ZNF385D: variants seen among roughly 807,000 people sequenced by gnomAD.
The protein encoded by ZNF385D is zinc finger protein 659.
ZNF385D carries 15 observed loss-of-function variants against 35.8 expected under a neutral mutation model. The observed-to-expected ratio is 0.42, with a 90% CI of 0.28 to 0.64. The LOEUF is 0.64. Among genes scored for constraint, ZNF385D ranks in the 30% least tolerant of loss-of-function variants. The pLI is 0.23. For synonymous variants in ZNF385D, 212 were observed against 186.8 expected (o/e 1.13, Z -1.10); for missense variants, 474 against 494.6 (o/e 0.96, Z 0.39).
At position 21,769,575 on chromosome 3, in the gene ZNF385D, G is replaced by T. The variant is rs6780308; in HGVS notation, c.326-104547C>A. Among the ~76,000 whole-genome samples the T allele has an allele frequency of 1.4e-4, 10 of 71,052 alleles. 1 individual carries two copies. Among genetic ancestry groups the T allele is most frequent in the Non-Finnish European group, 7.9e-5 (3 of 37,808 alleles). The allele number at this position is 71,052 out of a possible 152,430, so 46.6% of individuals were successfully genotyped here. ...AGGAGAACTATAAACCACTGCTCAA[G>T]GAAATAAAAGAGGATACAAACAAAT... On this transcript the variant is annotated intron_variant, in intron 3 of 5. Transcript: ENST00000494108.
At position 22,207,411 on chromosome 3, in the gene ZNF385D, C is replaced by T. The variant is rs567535397; in HGVS notation, c.107-38376G>A. ...GCATATGCAGAAGAAAACAAAGCCC[C>T]TATCTCCTGCCCTACACAAAAATCA... On this transcript the variant is annotated intron_variant, in intron 2 of 5. Transcript: ENST00000494108. 1.5e-4 allele frequency among the ~76,000 whole-genome samples: 23 copies of T among 151,976 alleles called. No individual in the cohort carries two copies. In the East Asian group the frequency reaches 4.1e-3, roughly 27 times the overall value.
Position 21,787,944 on chromosome 3 carries a change from CAAAAAAAAAAAAAAAAAAAA to C in ZNF385D, c.326-122936_326-122917del, listed in dbSNP as rs560982379. 6.1e-4 allele frequency among the ~76,000 whole-genome samples: 46 copies of C among 75,380 alleles called. 1 individual carries two copies. The highest frequency in any genetic ancestry group is 1.9e-3 in the African/African-American group (34 of 17,830). The allele number at this position is 75,380 out of a possible 152,430, so 49.5% of individuals were successfully genotyped here. Reference sequence around the variant, plus strand: ...GCGACAGAGCGAGACTTCGTCTCAACAAAAAAAAAAAAAAAAAAAAAAAAAAAAAAAAAAAAAAGAGAGAG... The same window carrying C: ...GCGACAGAGCGAGACTTCGTCTCAACAAAAAAAAAAAAAAAAAAGAGAGAG... On this transcript the variant is annotated intron_variant, in intron 3 of 5. Coordinates refer to the ZNF385D transcript ENST00000494108.
At chr3:21,807,899 G>C (rs2072725223) in intron 3 of ZNF385D, among the ~76,000 whole-genome samples, 1 of 152,106 alleles carries the variant, frequency 6.6e-6, no homozygotes, top group South Asian at 2.1e-4. Flanking sequence ...ATTATTTTTA[G>C]TATGTAAGCT....
At chr3:21,738,746 A>C (rs1032601837) in intron 1 of ZNF385D, among the ~76,000 whole-genome samples, 1 of 152,244 alleles carries the variant, frequency 6.6e-6, no homozygotes, top group African/African-American at 2.4e-5. Flanking sequence ...CTTTAACTAC[A>C]GTAAGCAGTG....
At chr3:22,203,830 A>C (rs532729449) in intron 2 of ZNF385D, among the ~76,000 whole-genome samples, 6 of 152,126 alleles carry the variant, frequency 3.9e-5, no homozygotes, top group Non-Finnish European at 7.4e-5. Flanking sequence ...AGAATAGAGC[A>C]TCAGGTAGAT....
chr3:21,680,585 A>T (rs1021751922), intron 1 of ZNF385D, among the ~76,000 whole-genome samples: 1 of 152,034 alleles, frequency 6.6e-6, no homozygotes, highest in South Asian at 2.1e-4. Context: ...ATCGGATATG[A>T]TGACTGATGC....
intron 2 of ZNF385D, among the ~76,000 whole-genome samples, chr3:21,644,541 A>T (rs890569646): frequency 2.6e-5 from 4 of 152,198 alleles, no homozygotes; most frequent in Non-Finnish European, 1.5e-5. Flanking sequence ...GAGAAATGCA[A>T]ACTCCACACA....
Position 21,746,031 on chromosome 3 carries a change from T to C in ZNF385D, c.22+4864A>G, listed in dbSNP as rs2069752671. Among the ~76,000 whole-genome samples, 3 of 152,310 alleles carry C rather than the reference T, an allele frequency of 2.0e-5. No individual in the cohort carries two copies. The South Asian group carries it at 6.2e-4, about 32-fold the overall frequency. ...AAGTACAATATTAAGTCTATATATA[T>C]AACAAGGAACTATTTGACATTCCAG... On this transcript the variant is annotated intron_variant, in intron 1 of 7. Coordinates refer to ENST00000281523, the MANE Select transcript of ZNF385D (RefSeq NM_024697.3).
At chr3:22,338,854 C>A (rs1695293916) in intron 2 of ZNF385D, among the ~76,000 whole-genome samples, 1 of 151,796 alleles carries the variant, frequency 6.6e-6, no homozygotes, top group African/African-American at 2.4e-5. Context: ...GCACGTGCCA[C>A]CACACCTAGC....
intron 2 of ZNF385D, among the ~76,000 whole-genome samples, chr3:22,284,753 AAAAT>A (rs906944645): frequency 2.0e-5 from 3 of 152,178 alleles, no homozygotes; most frequent in Admixed American, 6.5e-5. Context: ...CATTCTTATG[AAAAT>A]AAATAAGATA....
chr3:21,838,219 A>C (rs546060718), intron 3 of ZNF385D, among the ~76,000 whole-genome samples: 1 of 152,262 alleles, frequency 6.6e-6, no homozygotes, highest in African/African-American at 2.4e-5. Context: ...AAAATTCAAG[A>C]AGATTGCCTG....
At chr3:22,110,038 T>C (rs1429434686) in intron 3 of ZNF385D, among the ~76,000 whole-genome samples, 1 of 151,924 alleles carries the variant, frequency 6.6e-6, no homozygotes, top group African/African-American at 2.4e-5. Flanking sequence ...CATGAAAAAA[T>C]GCTCATCATC....
At chr3:21,871,029 A>C (rs1373435911) in intron 3 of ZNF385D, among the ~76,000 whole-genome samples, 1 of 152,182 alleles carries the variant, frequency 6.6e-6, no homozygotes, top group Non-Finnish European at 1.5e-5. Context: ...TGTTCTTACA[A>C]GCAGAATAAC....
At chr3:22,047,489 T>A (rs920749092) in intron 3 of ZNF385D, among the ~76,000 whole-genome samples, 1 of 152,120 alleles carries the variant, frequency 6.6e-6, no homozygotes, top group Admixed American at 6.5e-5. Context: ...GTACGTAAGA[T>A]CATGTGGTAT....
chr3:21,972,941 A>G (rs1458064994), intron 3 of ZNF385D, among the ~76,000 whole-genome samples: 2 of 152,024 alleles, frequency 1.3e-5, no homozygotes, highest in Non-Finnish European at 2.9e-5. Context: ...GTCTCCCAGC[A>G]AAGAAAATAC....
intron 3 of ZNF385D, among the ~76,000 whole-genome samples, chr3:21,814,870 C>A (rs1378808816): frequency 1.3e-5 from 2 of 152,216 alleles, no homozygotes; most frequent in African/African-American, 4.8e-5. Flanking sequence ...CCCAAATCAA[C>A]AGAATATACA....
intron 3 of ZNF385D, among the ~76,000 whole-genome samples, chr3:22,038,804 C>A (rs1460859157): frequency 6.6e-6 from 1 of 151,566 alleles, no homozygotes; most frequent in Non-Finnish European, 1.5e-5. Context: ...TAGTTAAGCA[C>A]ATTTTTAAAA....
At chr3:22,371,540 C>T (rs1352200508) in intron 2 of ZNF385D, among the ~76,000 whole-genome samples, 1 of 152,196 alleles carries the variant, frequency 6.6e-6, no homozygotes, top group Non-Finnish European at 1.5e-5. Context: ...TCCAGAAACA[C>T]ATGAGGTGGA....
At chr3:22,372,334 C>G (rs991504335) in intron 2 of ZNF385D, 2 of 601,226 alleles carry the variant, frequency 3.3e-6, no homozygotes, top group Non-Finnish European at 4.2e-6. Context: ...GCCCCCCATG[C>G]GAGCCCCAGC....
Sources: allele counts gnomAD v4.1 joint callset (sites outside exome capture counted in the v4.1 genomes callset), GRCh38; gene constraint gnomAD v4.1.1; transcripts MANE v1.5; gene names NCBI Gene and HGNC (gene_info 2026-07-23, HGNC 2026-07-21).